The following SPTLC3 variants were observed in gnomAD, a reference collection of about 807,000 sequenced individuals.
SPTLC3 encodes the protein serine palmitoyltransferase long chain base subunit 3, also known as serine palmitoyltransferase 3.
SPTLC3 carries 36 observed loss-of-function variants against 59.3 expected under a neutral mutation model. That is an observed-to-expected ratio of 0.61 (90% CI 0.47 to 0.80). The LOEUF (loss-of-function observed/expected upper bound fraction) is 0.80, where lower values mean the gene tolerates loss of function less well. Among genes scored for constraint, SPTLC3 ranks in the 30% least tolerant of loss-of-function variants. The pLI, the probability that SPTLC3 is intolerant of heterozygous loss-of-function variation, is 0.00. For missense variants in SPTLC3, 625 were observed against 685.1 expected, an observed-to-expected ratio of 0.91 and a Z score of 0.98; for synonymous variants, 257 against 240.8, an observed-to-expected ratio of 1.07 and a Z score of -0.62.
In SPTLC3 at chr20:13,009,215, C is replaced by A; in HGVS notation, c.-53C>A. The A allele has an allele frequency of 2.1e-6, 3 of 1,461,830 alleles. No homozygotes were observed. Among genetic ancestry groups the A allele is most frequent in the Non-Finnish European group, 2.9e-6 (3 of 1,044,656 alleles). 90.6% of individuals were successfully genotyped at this position (1,461,830 alleles called of 1,614,324 possible). On this transcript the variant is annotated 5_prime_UTR_variant, in exon 1 of 12. Transcript: ENST00000399002. ...TCCCCTCGCAGACTGAAAACTAAAG[C>A]CTGCAGAGACCTCTGAAGGAAAACC...
At chr20:13,065,898 T>C (rs1275255735) in intron 2 of SPTLC3, among the ~76,000 whole-genome samples, 2 of 147,502 alleles carry the variant, frequency 1.4e-5, no homozygotes, top group Non-Finnish European at 3.0e-5. Flanking sequence ...TTTCACATAG[T>C]TACCATTTTC....
At chr20:13,108,518 C>G (rs979839802) in intron 6 of SPTLC3, among the ~76,000 whole-genome samples, 1 of 152,194 alleles carries the variant, frequency 6.6e-6, no homozygotes, top group Non-Finnish European at 1.5e-5. Context: ...ACATACGCTT[C>G]TTGAGAGCTT....
At chr20:13,042,473 TG>T (rs913870442) in intron 1 of SPTLC3, among the ~76,000 whole-genome samples, 17 of 152,138 alleles carry the variant, frequency 1.1e-4, no homozygotes, top group African/African-American at 4.1e-4. Flanking sequence ...TAAGGGTAAT[TG>T]GGGCCCCAGT....
chr20:13,012,526 A>G (rs1985308800), intron 1 of SPTLC3, among the ~76,000 whole-genome samples: 1 of 152,234 alleles, frequency 6.6e-6, no homozygotes, highest in Non-Finnish European at 1.5e-5. Context: ...AAGAGCTGCC[A>G]TAAAGCAGAC....
At chr20:13,017,352 GTGACTC>G (rs924901474) in intron 1 of SPTLC3, among the ~76,000 whole-genome samples, 1 of 152,166 alleles carries the variant, frequency 6.6e-6, no homozygotes, top group Admixed American at 6.5e-5. Context: ...TTGACCTCAT[GTGACTC>G]TGAGTCATGT....
chr20:13,129,966 T>G (rs1272304962), intron 9 of SPTLC3, among the ~76,000 whole-genome samples: 1 of 151,760 alleles, frequency 6.6e-6, no homozygotes, highest in Non-Finnish European at 1.5e-5. Context: ...GAATGCTATG[T>G]GTATGGTCTG....
Position 13,091,087 on chromosome 20 carries a change from CTTGG to C in SPTLC3, c.613_616del (p.Leu205IlefsTer14). ...CTCATGTAATTTTATGTGCAGGCAC[CTTGG>C]ATAAGCACAAGGAGTTGGAGGACCT... is the stretch of plus-strand genomic sequence containing the variant. On this transcript the variant is annotated frameshift_variant, in exon 5 of 12. Transcript: ENST00000399002. LOFTEE classifies it high-confidence loss of function. 1 of 1,613,642 alleles carries C rather than the reference CTTGG, an allele frequency of 6.2e-7. No homozygotes were observed. Among genetic ancestry groups the C allele is most frequent in the Non-Finnish European group, 8.5e-7 (1 of 1,179,694 alleles).
chr20:13,019,967 T>G (rs1016367078), intron 1 of SPTLC3, among the ~76,000 whole-genome samples: 12 of 152,272 alleles, frequency 7.9e-5, no homozygotes, highest in African/African-American at 2.9e-4. Context: ...ACTGCAAAAT[T>G]TTTTACATAG....
At position 13,167,901 on chromosome 20, in the gene SPTLC3, C is replaced by G. The variant is rs1490015053; in HGVS notation, c.*3034C>G. The G allele has an allele frequency of 1.3e-5, 2 of 152,120 alleles. No individual in the cohort carries two copies. The highest frequency in any genetic ancestry group is 1.5e-5 in the Non-Finnish European group (1 of 68,028). The allele number at this position is 152,120 out of a possible 1,614,324, so 9.4% of individuals were successfully genotyped here. The stretch of plus-strand genomic sequence containing the variant: ...TTATTCAAACTCTAATTTGATAAAC[C>G]AATTGACTCTAATAGCAGGAACCTT... On this transcript the variant is annotated 3_prime_UTR_variant, in exon 12 of 12. Transcript: ENST00000399002.
At chr20:13,087,494 T>C (rs920792887) in intron 4 of SPTLC3, among the ~76,000 whole-genome samples, 3 of 152,316 alleles carry the variant, frequency 2.0e-5, no homozygotes, top group Admixed American at 2.0e-4. Context: ...AGTCACCTTG[T>C]TGCCTAGGCA....
At chr20:13,071,472 G>A (rs182844286) in intron 2 of SPTLC3, among the ~76,000 whole-genome samples, 85 of 152,162 alleles carry the variant, frequency 5.6e-4, no homozygotes, top group African/African-American at 2.0e-3. Context: ...TTTGATGTTA[G>A]TTCTATTTAG....
intron 9 of SPTLC3, among the ~76,000 whole-genome samples, chr20:13,133,711 G>A (rs1346423499): frequency 6.6e-6 from 1 of 152,138 alleles, no homozygotes; most frequent in East Asian, 1.9e-4. Context: ...AGAGCTGAGA[G>A]GCCAAAGAAG....
chr20:13,134,476 G>T (rs1427979530), intron 9 of SPTLC3, among the ~76,000 whole-genome samples: 1 of 152,224 alleles, frequency 6.6e-6, no homozygotes, highest in East Asian at 1.9e-4. Context: ...GATGATGGGA[G>T]TGCCAGACAG....
Position 13,126,619 on chromosome 20 carries a change from C to T in SPTLC3, c.1181C>T (p.Ser394Leu), listed in dbSNP as rs758006059. Residue 394 changes from serine (S) to leucine (L), a missense_variant, in exon 9 of 12, where the codon TCG becomes TTG. By Grantham distance (145) the Ser-to-Leu change is moderately radical (BLOSUM62 -2). Coordinates refer to ENST00000399002, the MANE Select transcript of SPTLC3 (RefSeq NM_018327.4). ...KDLVDYLRVH[S>L]HSAVYASSMS... ...CTCGTGGATTATTTACGGGTTCACT[C>T]GCATAGTGCTGTTTATGCTTCATCC... 2.2e-5 allele frequency: 35 copies of T among 1,613,796 alleles called. No individual in the cohort carries two copies. Among genetic ancestry groups the T allele is most frequent in the Non-Finnish European group, 2.9e-5 (34 of 1,179,920 alleles).
At chr20:13,155,657 T>C (rs1241002217) in intron 10 of SPTLC3, among the ~76,000 whole-genome samples, 6 of 151,920 alleles carry the variant, frequency 3.9e-5, no homozygotes, top group Non-Finnish European at 5.9e-5. Context: ...AAACCCCGTG[T>C]CTACAAAAAA....
chr20:13,126,541 A>G (rs759464590), intron 8 of SPTLC3, 50 bp from the exon 9 acceptor site: 3 of 1,603,920 alleles, frequency 1.9e-6, no homozygotes, highest in South Asian at 2.2e-5. Context: ...TCCCACCACC[A>G]GTGTTGAGAT....
At chr20:13,045,783 G>C (rs373315736) in intron 1 of SPTLC3, among the ~76,000 whole-genome samples, 4 of 152,178 alleles carry the variant, frequency 2.6e-5, no homozygotes. Context: ...GGCCCAGTCT[G>C]TGCAACCAAC....
intron 4 of SPTLC3, among the ~76,000 whole-genome samples, chr20:13,087,296 C>T (rs141976971): frequency 5.9e-5 from 9 of 152,254 alleles, no homozygotes; most frequent in African/African-American, 1.4e-4. Context: ...GAAAGATTAA[C>T]GGTGGAGAAA....
At chr20:13,037,846 C>T (rs6041790) in intron 1 of SPTLC3, among the ~76,000 whole-genome samples, 21,126 of 151,806 alleles carry the variant, frequency 0.14, 2,219 homozygotes, top group African/African-American at 0.3. Context: ...CACTTTCACC[C>T]TGTAGCTTTT....
Sources: allele counts gnomAD v4.1 joint callset (sites outside exome capture counted in the v4.1 genomes callset), GRCh38; gene constraint gnomAD v4.1.1; transcripts MANE v1.5; gene names NCBI Gene and HGNC (gene_info 2026-07-23, HGNC 2026-07-21).